Variants in GSDMB observed in about 807,000 individuals in gnomAD.
GSDMB encodes the protein gasdermin B.
GSDMB carries 32 observed loss-of-function variants against 42.9 expected under a neutral mutation model. That is an observed-to-expected ratio of 0.75 (90% CI 0.56 to 1.00). GSDMB has a LOEUF of 1.00. GSDMB is among the 50% of genes least tolerant of loss of function. The pLI is 0.00. For missense variants in GSDMB, 468 were observed against 498.5 expected, an observed-to-expected ratio of 0.94 and a Z score of 0.58; for synonymous variants, 175 against 193.7, an observed-to-expected ratio of 0.90 and a Z score of 0.80.
intron 2 of GSDMB, among the ~76,000 whole-genome samples, chr17:39,913,186 A>G (rs773980378): frequency 6.6e-6 from 1 of 152,208 alleles, no homozygotes; most frequent in Non-Finnish European, 1.5e-5. Flanking sequence ...AAATATAATG[A>G]TGTAGTTAAG....
At chr17:39,909,680 A>G in intron 4 of GSDMB, 76 bp downstream of exon 4, 1 of 1,318,726 alleles carries the variant, frequency 7.6e-7, no homozygotes, top group Non-Finnish European at 1.1e-6. Context: ...GGAAGAGTCT[A>G]AGGCTGGCAT....
chr17:39,910,068 G>A, intron 3 of GSDMB, 144 bp from the exon 4 acceptor site: 2 of 677,058 alleles, frequency 3.0e-6, no homozygotes, highest in Non-Finnish European at 5.1e-6. Flanking sequence ...CCCCATCGCA[G>A]TTCACTTTAC....
Position 39,908,943 on chromosome 17 carries a change from T to G in GSDMB, c.661+15A>C, listed in dbSNP as rs1177045332. 4 of 1,543,052 alleles carry G rather than the reference T, an allele frequency of 2.6e-6. No individual in the cohort carries two copies. Among genetic ancestry groups the G allele is most frequent in the Non-Finnish European group, 3.6e-6 (4 of 1,118,878 alleles). On this transcript the variant is annotated intron_variant, in intron 5 of 10. Coordinates refer to ENST00000418519, the MANE Select transcript of GSDMB (RefSeq NM_001165958.2). ...TTAGGGCCCCCCATCCTGTTCTCCA[T>G]CTGCCTTTGCTTACTCATCGTCTCC...
Position 39,908,214 on chromosome 17 carries a change from T to C in GSDMB, c.662A>G (p.Asn221Ser), listed in dbSNP as rs200267626. 549 of 1,517,392 alleles carry C rather than the reference T, an allele frequency of 3.6e-4. 1 individual carries two copies. The highest frequency in any genetic ancestry group is 4.8e-4 in the Non-Finnish European group (535 of 1,116,576). 94.0% of individuals were successfully genotyped at this position (1,517,392 alleles called of 1,614,324 possible). A position where few individuals can be genotyped will look rare whatever the true frequency, so the allele number is the denominator to read the frequency against. ...QLVFPNKETM[N>S]IHFRGKTKSF... ...TTTTGTTTTGCCCCTGAAATGAATA[T>C]CTAAACCAGCACCAAAAAGGGAGGA... Residue 221 changes from asparagine to serine, a missense_variant and splice_region_variant, in exon 6 of 11, where the codon AAT becomes AGT. Coordinates refer to ENST00000418519, the MANE Select transcript of GSDMB (RefSeq NM_001165958.2).
intron 9 of GSDMB, 51 bp from the exon 10 acceptor site, chr17:39,905,547 G>T: frequency 1.4e-6 from 2 of 1,396,114 alleles, no homozygotes; most frequent in Non-Finnish European, 2.0e-6. Context: ...GTGGGACAGG[G>T]CCTCAGTGGC....
intron 6 of GSDMB, 137 bp downstream of exon 6, chr17:39,908,039 C>CTGTTCAACAGG (rs2063536256): frequency 1.5e-6 from 1 of 655,066 alleles, no homozygotes. Flanking sequence ...TAATTTTTCC[C>CTGTTCAACAGG]CTGCGCTTGC....
At chr17:39,917,397 C>A in intron 1 of GSDMB, 67 bp from the exon 2 acceptor site, 2 of 944,578 alleles carry the variant, frequency 2.1e-6, no homozygotes, top group Non-Finnish European at 3.4e-6. Context: ...AAATCTTCCA[C>A]ATTTGGCAGC....
chr17:39,905,124 C>T, intron 10 of GSDMB, 160 bp from the exon 11 acceptor site: 1 of 654,670 alleles, frequency 1.5e-6, no homozygotes, highest in East Asian at 2.7e-5. Context: ...ACTCTCTCAA[C>T]ATAGTGGCAG....
chr17:39,917,244 C>T lies in GSDMB; in HGVS notation c.73G>A (p.Val25Ile), dbSNP rs369141327. ...EMDAGGDMIA[V>I]RSLVDADRFR... Reference sequence around the variant, plus strand: ...CTATCAGCATCAACAAGGCTTCTAACGGCAATCATATCCCCTCCAGCATCC... The same window carrying T: ...CTATCAGCATCAACAAGGCTTCTAATGGCAATCATATCCCCTCCAGCATCC... The change falls in exon 2 of 11, where the codon GTT becomes ATT. Residue 25 changes from valine to isoleucine, a missense_variant. Transcript: ENST00000418519. The T allele has an allele frequency of 5.0e-5, 81 of 1,613,874 alleles. No individual in the cohort carries two copies. Among genetic ancestry groups the T allele is most frequent in the East Asian group, 8.9e-5 (4 of 44,908 alleles).
chr17:39,914,577 C>T (rs935862251), intron 2 of GSDMB, among the ~76,000 whole-genome samples: 1 of 151,976 alleles, frequency 6.6e-6, no homozygotes, highest in African/African-American at 2.4e-5. Context: ...GCCTGGCCAA[C>T]ATGGTGAAAC....
intron 2 of GSDMB, among the ~76,000 whole-genome samples, chr17:39,913,917 A>T (rs2063660556): frequency 6.6e-6 from 1 of 152,224 alleles, no homozygotes; most frequent in South Asian, 2.1e-4. Flanking sequence ...GAACTGGTGG[A>T]AATGTGACAG....
intron 9 of GSDMB, 49 bp downstream of exon 9, chr17:39,905,798 C>T (rs1403527232): frequency 1.2e-6 from 2 of 1,601,048 alleles, no homozygotes; most frequent in East Asian, 2.2e-5. Flanking sequence ...CCACAGGCCT[C>T]TCTGCTCACA....
intron 5 of GSDMB, among the ~76,000 whole-genome samples, chr17:39,908,524 C>T (rs913431047): frequency 2.0e-5 from 3 of 151,902 alleles, no homozygotes; most frequent in South Asian, 2.1e-4. Context: ...GGATTACAGG[C>T]GCATACCACC....
At chr17:39,911,419 C>A (rs1055205507) in intron 3 of GSDMB, among the ~76,000 whole-genome samples, 1 of 151,980 alleles carries the variant, frequency 6.6e-6, no homozygotes, top group Admixed American at 6.6e-5. Context: ...CCCTGAGCTA[C>A]TCCTCAATCT....
At chr17:39,912,258 C>A in intron 3 of GSDMB, 68 bp downstream of exon 3, 2 of 1,112,052 alleles carry the variant, frequency 1.8e-6, no homozygotes, top group South Asian at 1.4e-5. Flanking sequence ...GGTCTGCCAC[C>A]CTTGAATCCC....
chr17:39,905,624 T>C, intron 9 of GSDMB, 128 bp from the exon 10 acceptor site: 2 of 913,824 alleles, frequency 2.2e-6, no homozygotes, highest in Non-Finnish European at 3.5e-6. Flanking sequence ...AGATGAGACT[T>C]ACTCCAAACA....
chr17:39,911,185 T>C (rs1470215927), intron 3 of GSDMB, among the ~76,000 whole-genome samples: 1 of 151,932 alleles, frequency 6.6e-6, no homozygotes, highest in East Asian at 1.9e-4. Context: ...TAGCTAGGCG[T>C]GGTGGCGGGC....
intron 2 of GSDMB, among the ~76,000 whole-genome samples, chr17:39,913,795 G>A (rs532623247): frequency 1.6e-4 from 24 of 152,282 alleles, no homozygotes; most frequent in African/African-American, 5.8e-4. Flanking sequence ...CATGCCGAAG[G>A]GGCTGCGTGC....
rs2063639838 is a variant in GSDMB at position 39,912,963 on chromosome 17, C to T, written c.236-466G>A. Among the ~76,000 whole-genome samples the T allele has an allele frequency of 4.0e-5, 6 of 151,684 alleles. No homozygotes were observed. The South Asian group carries it at 1.3e-3, about 32-fold the overall frequency. On this transcript the variant is annotated intron_variant, in intron 2 of 10. Coordinates refer to ENST00000418519, the MANE Select transcript of GSDMB (RefSeq NM_001165958.2). Reference sequence around the variant, plus strand: ...TCTACTAAAAAATACAAAAAGTAGCCAGGCCTGGTGGTGTGTGCCTGTAAT... The same window carrying T: ...TCTACTAAAAAATACAAAAAGTAGCTAGGCCTGGTGGTGTGTGCCTGTAAT...
Sources: allele counts gnomAD v4.1 joint callset (sites outside exome capture counted in the v4.1 genomes callset), GRCh38; gene constraint gnomAD v4.1.1; transcripts MANE v1.5; gene names NCBI Gene and HGNC (gene_info 2026-07-23, HGNC 2026-07-21).